PAPPA: variants seen among roughly 807,000 people sequenced by gnomAD.
The protein encoded by PAPPA is pappalysin-1.
PAPPA carries 60 observed loss-of-function variants against 164.0 expected under a neutral mutation model. That is an observed-to-expected ratio of 0.37 (90% CI 0.30 to 0.45). PAPPA has a LOEUF of 0.45. Among genes scored for constraint, PAPPA ranks in the 20% least tolerant of loss-of-function variants. The pLI is 1.00. For missense variants in PAPPA, 1,782 were observed against 2,087.3 expected (o/e 0.85, Z 2.85); for synonymous variants, 875 against 814.1 (o/e 1.07, Z -1.27).
At chr9:116,355,648 AAAT>A (rs1846344059) in intron 17 of PAPPA, among the ~76,000 whole-genome samples, 2 of 152,220 alleles carry the variant, frequency 1.3e-5, no homozygotes, top group Admixed American at 1.3e-4. Flanking sequence ...CTGCTGAGCC[AAAT>A]AATATTCTGG....
chr9:116,373,757 G>A (rs1268726950), intron 19 of PAPPA: 1 of 152,122 alleles, frequency 6.6e-6, no homozygotes, highest in Non-Finnish European at 1.5e-5. Context: ...TACTTTGAAG[G>A]AGATTATGGC....
intron 21 of PAPPA, among the ~76,000 whole-genome samples, chr9:116,387,575 G>T: frequency 6.6e-6 from 1 of 152,100 alleles, no homozygotes; most frequent in South Asian, 2.1e-4. Flanking sequence ...CAGTCTCCCT[G>T]TATTGCCCAG....
At position 116,347,837 on chromosome 9, in the gene PAPPA, A is replaced by G. The variant is rs1476297717; in HGVS notation, c.3964+628A>G. On this transcript the variant is annotated intron_variant, in intron 15 of 21. Coordinates refer to ENST00000328252, the MANE Select transcript of PAPPA (RefSeq NM_002581.5). The surrounding 1 kb of genome is among the most constrained non-coding windows in gnomAD (Gnocchi z 4.5). The stretch of plus-strand genomic sequence containing the variant: ...GAAAAAGACACTGGCATACCAGAGA[A>G]GAGGTCACATTTTAGAAAAAAGTGA... Among the ~76,000 whole-genome samples, 1 of 152,200 alleles carries G rather than the reference A, an allele frequency of 6.6e-6. No homozygotes were observed. The highest frequency in any genetic ancestry group is 2.4e-5 in the African/African-American group (1 of 41,446).
chr9:116,380,419 A>G (rs1243038497), intron 20 of PAPPA, among the ~76,000 whole-genome samples: 3 of 152,124 alleles, frequency 2.0e-5, no homozygotes, highest in Non-Finnish European at 4.4e-5. Flanking sequence ...CCAAATAAAG[A>G]AGTATCACCT....
At chr9:116,170,874 A>C (rs1843768662) in intron 1 of PAPPA, among the ~76,000 whole-genome samples, 1 of 114,184 alleles carries the variant, frequency 8.8e-6, no homozygotes, top group African/African-American at 2.8e-5. Context: ...TGCCGCTGTG[A>C]GTTCTTAAAA....
intron 21 of PAPPA, among the ~76,000 whole-genome samples, chr9:116,382,785 G>A (rs1343918163): frequency 1.3e-5 from 2 of 152,086 alleles, no homozygotes; most frequent in Non-Finnish European, 2.9e-5. Context: ...AGTGCTTGGG[G>A]GGCTAGGCAA....
intron 10 of PAPPA, among the ~76,000 whole-genome samples, chr9:116,303,612 A>C (rs1457702776): frequency 6.6e-6 from 1 of 152,062 alleles, no homozygotes; most frequent in African/African-American, 2.4e-5. Context: ...TTATCCTACC[A>C]AGGAAGCACC....
intron 2 of PAPPA, among the ~76,000 whole-genome samples, chr9:116,194,678 A>C (rs2118646348): frequency 6.6e-6 from 1 of 152,292 alleles, no homozygotes; most frequent in South Asian, 2.1e-4. Flanking sequence ...CATGGCACTC[A>C]AATGGAGTCA....
intron 2 of PAPPA, among the ~76,000 whole-genome samples, chr9:116,200,695 A>T (rs1393898223): frequency 1.3e-5 from 2 of 152,184 alleles, no homozygotes; most frequent in Admixed American, 6.5e-5. Flanking sequence ...AATGAAAATC[A>T]TGCTTTTTTT....
intron 9 of PAPPA, among the ~76,000 whole-genome samples, chr9:116,295,827 C>T (rs1845499216): frequency 1.3e-5 from 2 of 152,170 alleles, no homozygotes; most frequent in Admixed American, 1.3e-4. Flanking sequence ...AGCCTTCTCT[C>T]ATTTTCCCAA....
intron 7 of PAPPA, among the ~76,000 whole-genome samples, chr9:116,250,052 T>TGTGTG (rs1844842714): frequency 2.1e-5 from 3 of 145,244 alleles, no homozygotes; most frequent in South Asian, 2.2e-4. Flanking sequence ...TGTGTGTGTG[T>TGTGTG]TTGGAGCAGG....
chr9:116,226,854 A>G (rs75271462), intron 5 of PAPPA, among the ~76,000 whole-genome samples: 2,757 of 152,334 alleles, frequency 0.018, 84 homozygotes, highest in African/African-American at 0.063. Context: ...GGCATGGTAG[A>G]GAAACTGCTT....
chr9:116,206,848 A>G (rs968383481), intron 2 of PAPPA, among the ~76,000 whole-genome samples: 21 of 152,198 alleles, frequency 1.4e-4, no homozygotes, highest in African/African-American at 4.8e-4. Flanking sequence ...TCAGAGTCCC[A>G]GCAGAGGAAA....
At chr9:116,352,036 G>A (rs750612237) in intron 15 of PAPPA, among the ~76,000 whole-genome samples, 3 of 152,186 alleles carry the variant, frequency 2.0e-5, no homozygotes, top group Admixed American at 6.5e-5. Context: ...TATTTGCAAC[G>A]TTCCCCATCA....
At chr9:116,323,170 A>C (rs1281324914) in intron 10 of PAPPA, among the ~76,000 whole-genome samples, 1 of 152,192 alleles carries the variant, frequency 6.6e-6, no homozygotes, top group Non-Finnish European at 1.5e-5. Context: ...TTTGAAAGCA[A>C]GACATCGTTA....
intron 19 of PAPPA, among the ~76,000 whole-genome samples, chr9:116,369,946 G>A (rs533027211): frequency 6.6e-6 from 1 of 152,190 alleles, no homozygotes; most frequent in Non-Finnish European, 1.5e-5. Flanking sequence ...GGCAGAGATT[G>A]ATGATTTCCA....
At chr9:116,321,126 C>A (rs576610187) in intron 10 of PAPPA, among the ~76,000 whole-genome samples, 1 of 151,852 alleles carries the variant, frequency 6.6e-6, no homozygotes, top group African/African-American at 2.4e-5. Context: ...CTCCTGGATT[C>A]ACTCCATTTT....
At chr9:116,256,412 GA>G (rs1009844726) in intron 7 of PAPPA, among the ~76,000 whole-genome samples, 6 of 151,830 alleles carry the variant, frequency 4.0e-5, no homozygotes, top group Non-Finnish European at 8.8e-5. Context: ...AATAAGCAAG[GA>G]AAAAATGGAA....
intron 7 of PAPPA, among the ~76,000 whole-genome samples, chr9:116,254,205 T>C (rs1844894019): frequency 6.6e-6 from 1 of 152,174 alleles, no homozygotes; most frequent in Non-Finnish European, 1.5e-5. Flanking sequence ...TGCCATCCAA[T>C]GAGCATCCTA....
Sources: gnomAD v4.1 joint callset for allele counts (sites outside exome capture counted in the v4.1 genomes callset) on GRCh38, gnomAD v4.1.1 for gene constraint, Gnocchi (gnomAD v3.1) non-coding constraint, MANE v1.5 for transcripts, NCBI Gene and HGNC (gene_info 2026-07-23, HGNC 2026-07-21) for gene names.